MAGED1: variants seen among roughly 807,000 people sequenced by gnomAD.
MAGED1 encodes the protein MAGE family member D1.
A neutral mutation model predicts 54.1 loss-of-function variants in MAGED1; 3 were observed. The ratio of observed to expected loss-of-function variants is 0.06; its 90% CI spans 0.03 to 0.14. The LOEUF (loss-of-function observed/expected upper bound fraction) is 0.14, where lower values mean the gene tolerates loss of function less well. Among genes scored for constraint, MAGED1 ranks in the 10% least tolerant of loss-of-function variants. The pLI, the probability that MAGED1 is intolerant of heterozygous loss-of-function variation, is 1.00. For synonymous variants in MAGED1, 217 were observed against 227.3 expected (o/e 0.95, Z 0.41); for missense variants, 485 against 623.4 (o/e 0.78, Z 2.36).
At chrX:51,900,401 T>G in intron 11 of MAGED1, 105 bp downstream of exon 11, 1 of 557,082 alleles carries the variant, frequency 1.8e-6, no homozygotes, top group Non-Finnish European at 2.9e-6. Flanking sequence ...AGGTGGTAGG[T>G]GCCGCATTGC....
chrX:51,862,533 G>A (rs782234149), intron 1 of MAGED1, among the ~76,000 whole-genome samples: 3 of 110,627 alleles, frequency 2.7e-5, no homozygotes, highest in South Asian at 8.0e-4. Context: ...TTTGGTTTTC[G>A]TATATTTTTA....
chrX:51,882,098 A>G (rs1181809735), intron 1 of MAGED1, among the ~76,000 whole-genome samples: 1 of 112,210 alleles, frequency 8.9e-6, no homozygotes, highest in African/African-American at 3.2e-5. Flanking sequence ...GCTATTAAAT[A>G]TGATTTTTTA....
intron 1 of MAGED1, among the ~76,000 whole-genome samples, chrX:51,810,230 A>G (rs1925171964): frequency 9.0e-6 from 1 of 110,752 alleles, no homozygotes; most frequent in African/African-American, 3.3e-5. Context: ...TAGGCTCATC[A>G]TGTACACTCC....
intron 1 of MAGED1, among the ~76,000 whole-genome samples, chrX:51,864,133 A>G (rs1212580101): frequency 9.0e-6 from 1 of 110,585 alleles, no homozygotes; most frequent in African/African-American, 3.3e-5. Flanking sequence ...ACTTGCATTT[A>G]AATCTCTAAT....
chrX:51,881,737 C>T (rs782174841), intron 1 of MAGED1, among the ~76,000 whole-genome samples: 1 of 111,588 alleles, frequency 9.0e-6, no homozygotes, highest in Non-Finnish European at 1.9e-5. Context: ...TTTTCTACTT[C>T]AACTTAGTAT....
intron 1 of MAGED1, among the ~76,000 whole-genome samples, chrX:51,883,640 A>T (rs1362737776): frequency 8.9e-6 from 1 of 112,558 alleles, no homozygotes; most frequent in African/African-American, 3.2e-5. Context: ...AACACACATC[A>T]ACATCAAGAT....
At chrX:51,814,848 C>T (rs782249402) in intron 1 of MAGED1, among the ~76,000 whole-genome samples, 1 of 107,576 alleles carries the variant, frequency 9.3e-6, no homozygotes, top group East Asian at 3.0e-4. Context: ...GATAAAAAAA[C>T]AGCTAGGTGT....
chrX:51,893,338 G>T (rs1174331114), upstream of MAGED1, among the ~76,000 whole-genome samples: 1 of 108,396 alleles, frequency 9.2e-6, no homozygotes, highest in East Asian at 2.9e-4. Flanking sequence ...TAGGGGGCCG[G>T]TGTGTGGGGC....
intron 1 of MAGED1, among the ~76,000 whole-genome samples, chrX:51,865,482 T>G (rs1323820135): frequency 1.8e-5 from 2 of 111,757 alleles, no homozygotes; most frequent in African/African-American, 6.5e-5. Context: ...TCTTCTATCA[T>G]TTAGTTAAAT....
intron 1 of MAGED1, among the ~76,000 whole-genome samples, chrX:51,836,112 A>G (rs1360636484): frequency 1.8e-5 from 2 of 111,510 alleles, no homozygotes; most frequent in African/African-American, 3.2e-5. Context: ...AACTTTGTAA[A>G]TGAATAGATT....
intron 1 of MAGED1, chrX:51,857,060 T>C (rs1557360271): frequency 9.0e-6 from 1 of 111,358 alleles, no homozygotes; most frequent in African/African-American, 3.3e-5. Context: ...GGGAGGTACC[T>C]CAGAGTACTC....
chrX:51,842,045 A>G (rs1001075707), intron 1 of MAGED1, among the ~76,000 whole-genome samples: 1 of 112,151 alleles, frequency 8.9e-6, no homozygotes. Flanking sequence ...AAAAACCTAT[A>G]GTTCTCATTG....
At chrX:51,862,956 C>T (rs1349998356) in intron 1 of MAGED1, among the ~76,000 whole-genome samples, 1 of 111,852 alleles carries the variant, frequency 8.9e-6, no homozygotes, top group African/African-American at 3.2e-5. Context: ...TCCATCAACT[C>T]ACAGTTACCT....
chrX:51,823,861 T>A (rs782074627), intron 1 of MAGED1, among the ~76,000 whole-genome samples: 2 of 111,401 alleles, frequency 1.8e-5, no homozygotes, highest in Non-Finnish European at 3.8e-5. Context: ...TAGTTCAGAT[T>A]TATATGAACT....
intron 1 of MAGED1, among the ~76,000 whole-genome samples, chrX:51,808,833 A>G (rs1190874196): frequency 8.9e-6 from 1 of 112,696 alleles, no homozygotes; most frequent in Non-Finnish European, 1.9e-5. Context: ...CACATCCCAG[A>G]TATGTCATTA....
chrX:51,850,304 AG>A (rs1376140487), intron 1 of MAGED1, among the ~76,000 whole-genome samples: 1 of 112,070 alleles, frequency 8.9e-6, no homozygotes, highest in Non-Finnish European at 1.9e-5. Context: ...AACTTATCAA[AG>A]AAAGGAAATT....
rs868960240 is a variant in MAGED1 at position 51,873,532 on chromosome X, T to A, written c.-36-20737T>A. Among the ~76,000 whole-genome samples, 37 of 28,776 alleles carry A rather than the reference T, an allele frequency of 1.3e-3. 1 individual carries two copies. The highest frequency in any genetic ancestry group is 1.8e-3 in the African/African-American group (13 of 7,198). The allele number at this position is 28,776 out of a possible 115,157, so 25.0% of individuals were successfully genotyped here. On this transcript the variant is annotated intron_variant, in intron 1 of 12. Transcript: ENST00000375772. The stretch of plus-strand genomic sequence containing the variant: ...GTTAGACTGTGTGTGTGTGTGTGTG[T>A]GTGAGAGAGAGAGAGAGAGAGAGAG...
At position 51,883,948 on chromosome X, in the gene MAGED1, T is replaced by C. The variant is rs782287063; in HGVS notation, c.-36-10321T>C. On this transcript the variant is annotated intron_variant, in intron 1 of 12. Coordinates refer to the MAGED1 transcript ENST00000375772. Reference sequence around the variant, plus strand: ...AGATAGAACAATAGAAATTATTCAGTCTGAATGACAGAGAAAAATATACTG... The same window carrying C: ...AGATAGAACAATAGAAATTATTCAGCCTGAATGACAGAGAAAAATATACTG... 1.3e-4 allele frequency among the ~76,000 whole-genome samples: 14 copies of C among 111,480 alleles called. No homozygotes were observed. In the East Asian group the frequency reaches 3.9e-3, roughly 31 times the overall value.
In MAGED1 at chrX:51,900,448, A is replaced by G. The variant is rs373874923; in HGVS notation, c.1959+152A>G. The G allele has an allele frequency of 9.6e-6, 4 of 418,455 alleles. No homozygotes were observed. The African/African-American group carries it at 1.0e-4, about 11-fold the overall frequency. The allele number at this position is 418,455 out of a possible 1,213,427, so 34.5% of individuals were successfully genotyped here. On this transcript the variant is annotated intron_variant, in intron 11 of 12. Transcript: ENST00000326587. ...GTTGTTGCTGTTAGGTAAACTTAAC[A>G]TGTATTAGGTGCTAACATATGTTAA...
Sources: gnomAD v4.1 joint callset for allele counts (sites outside exome capture counted in the v4.1 genomes callset) on GRCh38, gnomAD v4.1.1 for gene constraint, MANE v1.5 for transcripts, NCBI Gene and HGNC (gene_info 2026-07-23, HGNC 2026-07-21) for gene names.